NCOA2: variants seen among roughly 807,000 people sequenced by gnomAD.
NCOA2 encodes the protein nuclear receptor coactivator 2, also known as class E basic helix-loop-helix protein 75.
NCOA2 carries 21 observed loss-of-function variants against 145.1 expected under a neutral mutation model. The ratio of observed to expected loss-of-function variants is 0.14; its 90% CI spans 0.10 to 0.21. The LOEUF (loss-of-function observed/expected upper bound fraction) is 0.21, where lower values mean the gene tolerates loss of function less well. Ranked by LOEUF, NCOA2 falls within the 10% of genes least tolerant of loss-of-function variation. The pLI is 1.00. For missense variants in NCOA2, 1,472 were observed against 1,837.6 expected (o/e 0.80, Z 3.64); for synonymous variants, 619 against 637.5 (o/e 0.97, Z 0.44).
intron 2 of NCOA2, among the ~76,000 whole-genome samples, chr8:70,257,880 CAA>C (rs555764379): frequency 2.2e-4 from 30 of 137,262 alleles, no homozygotes; most frequent in East Asian, 2.1e-4. Context: ...GCAACAACAG[CAA>C]AAAAAAAAAA....
At chr8:70,413,081 G>A in the NCOA2 span, among the ~76,000 whole-genome samples, 2 of 141,436 alleles carry the variant, frequency 1.4e-5, no homozygotes, top group Admixed American at 7.4e-5. Context: ...CTGGGCGACA[G>A]AGTGAGACTC....
At chr8:70,403,287 CG>C (rs1814540808) in intron 1 of NCOA2, among the ~76,000 whole-genome samples, 1 of 151,332 alleles carries the variant, frequency 6.6e-6, no homozygotes, top group Admixed American at 6.6e-5. Context: ...ACTCGCTCCT[CG>C]GGGCGGGGGC....
intron 2 of NCOA2, among the ~76,000 whole-genome samples, chr8:70,292,563 AAAAG>A (rs1051311883): frequency 2.6e-5 from 4 of 152,074 alleles, no homozygotes; most frequent in Non-Finnish European, 4.4e-5. Context: ...AAAAAAAAAA[AAAAG>A]AATCAGAAAA....
chr8:70,315,811 A>G (rs1158281011), intron 1 of NCOA2, among the ~76,000 whole-genome samples: 1 of 152,174 alleles, frequency 6.6e-6, no homozygotes, highest in East Asian at 1.9e-4. Flanking sequence ...TCCACAACCT[A>G]ATGCTTTCAA....
At chr8:70,307,634 T>A (rs951577354) in intron 1 of NCOA2, among the ~76,000 whole-genome samples, 1 of 152,260 alleles carries the variant, frequency 6.6e-6, no homozygotes. Context: ...ATGAGTATTT[T>A]AATTTCTTTG....
upstream of NCOA2, among the ~76,000 whole-genome samples, chr8:70,408,109 T>C (rs1025119050): frequency 6.6e-6 from 1 of 152,178 alleles, no homozygotes; most frequent in African/African-American, 2.4e-5. Flanking sequence ...TCCAGGGTAT[T>C]CTGAGTGAGA....
At position 70,139,411 on chromosome 8, in the gene NCOA2, T is replaced by C. The variant is rs182557312; in HGVS notation, c.3029-1079A>G. Among the ~76,000 whole-genome samples, 67 of 152,298 alleles carry C rather than the reference T, an allele frequency of 4.4e-4. 2 individuals are homozygous for C. The East Asian group carries it at 0.013, about 29-fold the overall frequency. ...TTTTTAATCAATAAATATTTTTAAA[T>C]TTCTCATTTAATTTTGCACAGAAAT... On this transcript the variant is annotated intron_variant, in intron 14 of 22. Coordinates refer to ENST00000452400, the MANE Select transcript of NCOA2 (RefSeq NM_006540.4).
the NCOA2 span, among the ~76,000 whole-genome samples, chr8:70,429,955 C>T: frequency 6.6e-6 from 1 of 152,134 alleles, no homozygotes; most frequent in Non-Finnish European, 1.5e-5. Flanking sequence ...TGGGCTGAAG[C>T]GATCCCCCTG....
chr8:70,215,860 A>G (rs1317047833), intron 3 of NCOA2, among the ~76,000 whole-genome samples: 2 of 152,196 alleles, frequency 1.3e-5, no homozygotes, highest in Non-Finnish European at 2.9e-5. Flanking sequence ...ACAGATGGCA[A>G]TATTCCAAAA....
At chr8:70,216,810 G>A in intron 2 of NCOA2, 46 bp from the exon 3 acceptor site, 1 of 1,197,556 alleles carries the variant, frequency 8.4e-7, no homozygotes, top group Non-Finnish European at 1.2e-6. Flanking sequence ...GAAGAGAGCT[G>A]ATGATGAAGT....
intron 16 of NCOA2, among the ~76,000 whole-genome samples, chr8:70,130,352 C>T (rs1196462291): frequency 4.6e-5 from 7 of 152,070 alleles, no homozygotes; most frequent in Admixed American, 4.6e-4. Flanking sequence ...GAGTGAAAAA[C>T]GGACTAAAAA....
At chr8:70,257,623 T>C (rs1013073100) in intron 2 of NCOA2, among the ~76,000 whole-genome samples, 12 of 152,150 alleles carry the variant, frequency 7.9e-5, no homozygotes, top group Non-Finnish European at 1.2e-4. Flanking sequence ...GCAGCACGCC[T>C]CACATCGCTA....
Position 70,124,868 on chromosome 8 carries a change from T to TAAAAAAAAAAACAGAAACAGAA in NCOA2, c.3917-25_3917-4dup. On this transcript the variant is annotated splice_polypyrimidine_tract_variant and splice_region_variant and intron_variant, in intron 19 of 22. Coordinates refer to ENST00000452400, the MANE Select transcript of NCOA2 (RefSeq NM_006540.4). ...TGGATCAGGTTGCTGACTTATTCCT[T>TAAAAAAAAAAACAGAAACAGAA]AAAAAAAAAAACAGAAACAGAAATC... 7.8e-7 allele frequency: 1 copy of TAAAAAAAAAAACAGAAACAGAA among 1,290,232 alleles called. No homozygotes were observed. The highest frequency in any genetic ancestry group is 1.0e-6 in the Non-Finnish European group (1 of 953,710). 79.9% of individuals were successfully genotyped at this position (1,290,232 alleles called of 1,614,324 possible). A position where few individuals can be genotyped will look rare whatever the true frequency, so the allele number is the denominator to read the frequency against.
At chr8:70,337,878 GT>G (rs1807764100) in intron 1 of NCOA2, among the ~76,000 whole-genome samples, 1 of 152,060 alleles carries the variant, frequency 6.6e-6, no homozygotes, top group Admixed American at 6.6e-5. Context: ...CAGAAATCAA[GT>G]TCTTGAAACT....
At chr8:70,347,160 C>A (rs566659974) in intron 1 of NCOA2, among the ~76,000 whole-genome samples, 2 of 152,146 alleles carry the variant, frequency 1.3e-5, no homozygotes, top group South Asian at 4.1e-4. Flanking sequence ...CTAGCCTGGG[C>A]AACGTGGCGA....
intron 2 of NCOA2, among the ~76,000 whole-genome samples, chr8:70,221,511 A>G (rs1820134247): frequency 6.6e-6 from 1 of 152,218 alleles, no homozygotes; most frequent in Non-Finnish European, 1.5e-5. Flanking sequence ...TTCAATAAAC[A>G]AAATGTGCTT....
rs527600982 is a variant in NCOA2 at position 70,156,446 on chromosome 8, T to C, written c.1919A>G (p.Lys640Arg). Residue 640 changes from lysine to arginine, a missense_variant, in exon 11 of 23, where the codon AAA becomes AGA. Transcript: ENST00000452400. ...TTTGGTGGTCAGCAGCTGCAGGAGT[T>C]TGGTCTGCCCTTTGCTGTCATGCAG... is the stretch of plus-strand genomic sequence containing the variant. ...SRLHDSKGQT[K>R]LLQLLTTKSD... is the part of the protein sequence containing the mutation. 1.2e-6 allele frequency: 2 copies of C among 1,613,896 alleles called. No individual in the cohort carries two copies. The highest frequency in any genetic ancestry group is 1.7e-6 in the Non-Finnish European group (2 of 1,179,860).
chr8:70,199,749 C>T (rs1056314291), intron 4 of NCOA2, among the ~76,000 whole-genome samples: 2 of 152,168 alleles, frequency 1.3e-5, no homozygotes, highest in Admixed American at 6.5e-5. Context: ...TGGTCCCAGG[C>T]CACATCCTGC....
chr8:70,348,311 T>C (rs1255793414), intron 1 of NCOA2, among the ~76,000 whole-genome samples: 1 of 152,190 alleles, frequency 6.6e-6, no homozygotes, highest in Non-Finnish European at 1.5e-5. Flanking sequence ...TATGCTAGAA[T>C]ACAGGTGCCA....
Sources: gnomAD v4.1 joint callset for allele counts (sites outside exome capture counted in the v4.1 genomes callset) on GRCh38, gnomAD v4.1.1 for gene constraint, MANE v1.5 for transcripts, NCBI Gene and HGNC (gene_info 2026-07-23, HGNC 2026-07-21) for gene names.